ELOVL6: variants seen among roughly 807,000 people sequenced by gnomAD.
ELOVL6 encodes ELOVL fatty acid elongase 6.
A neutral mutation model predicts 31.7 loss-of-function variants in ELOVL6; 8 were observed. The ratio of observed to expected loss-of-function variants is 0.25; its 90% CI spans 0.15 to 0.45. The LOEUF (loss-of-function observed/expected upper bound fraction) is 0.45, where lower values mean the gene tolerates loss of function less well. Among genes scored for constraint, ELOVL6 ranks in the 20% least tolerant of loss-of-function variants. The probability of loss-of-function intolerance (pLI) is 1.00; values close to 1 mark genes in which losing one functional copy is unlikely to be tolerated. For synonymous variants in ELOVL6, 101 were observed against 117.7 expected (o/e 0.86, Z 0.92); for missense variants, 126 against 326.4 (o/e 0.39, Z 4.73).
At chr4:110,136,312 C>T (rs1258594922) in intron 1 of ELOVL6, among the ~76,000 whole-genome samples, 1 of 152,188 alleles carries the variant, frequency 6.6e-6, no homozygotes, top group Non-Finnish European at 1.5e-5. Context: ...TGTTTAAAGG[C>T]TGTGCTGATA....
At chr4:110,179,669 T>G (rs1328871973) in intron 1 of ELOVL6, among the ~76,000 whole-genome samples, 1 of 152,206 alleles carries the variant, frequency 6.6e-6, no homozygotes, top group Non-Finnish European at 1.5e-5. Flanking sequence ...AAAACTTAAT[T>G]TATATAATGC....
rs1029796296 is a variant in ELOVL6, at chr4:110,097,479, T to A, written c.221+8018A>T. 2.0e-5 allele frequency among the ~76,000 whole-genome samples: 3 copies of A among 152,316 alleles called. No homozygotes were observed. In the East Asian group the frequency reaches 5.8e-4, roughly 29 times the overall value. ...TTTTTCCTGTGGCAATGGGCTTTTTTAACTTTACTATTTTATTAAGATTTT... is the reference window on the plus strand; with the variant it reads ...TTTTTCCTGTGGCAATGGGCTTTTTAAACTTTACTATTTTATTAAGATTTT... On this transcript the variant is annotated intron_variant, in intron 2 of 3. Transcript: ENST00000302274.
chr4:110,176,302 A>G (rs563558787), intron 1 of ELOVL6, among the ~76,000 whole-genome samples: 1 of 152,202 alleles, frequency 6.6e-6, no homozygotes, highest in African/African-American at 2.4e-5. Flanking sequence ...AGCTGGGACT[A>G]CAGGCACATA....
In ELOVL6 at chr4:110,125,393, C is replaced by T. The variant is rs191125724; in HGVS notation, c.90-19765G>A. 9.9e-3 allele frequency among the ~76,000 whole-genome samples: 1,513 copies of T among 152,064 alleles called. 26 individuals carry two copies. Among genetic ancestry groups the T allele is most frequent in the African/African-American group, 0.035 (1,437 of 41,494 alleles). On this transcript the variant is annotated intron_variant, in intron 1 of 3. Coordinates refer to ENST00000302274, the MANE Select transcript of ELOVL6 (RefSeq NM_024090.3). ...TCCCTACGTGTTTCCAGAGTATCTT[C>T]GTATCTTTATAGAACTCAGTGGCTC...
chr4:110,139,453 A>AT (rs150419212), intron 1 of ELOVL6, among the ~76,000 whole-genome samples: 2,262 of 152,156 alleles, frequency 0.015, 32 homozygotes, highest in Non-Finnish European at 0.026. Flanking sequence ...CCTGTTAAAG[A>AT]TTTTTTCTTT....
At chr4:110,082,751 AT>A (rs1377190028) in intron 2 of ELOVL6, among the ~76,000 whole-genome samples, 5 of 152,208 alleles carry the variant, frequency 3.3e-5, no homozygotes, top group South Asian at 4.1e-4. Context: ...TAATAAAAAA[AT>A]AAATAAAAAA....
At chr4:110,100,615 C>G (rs1305917528) in intron 2 of ELOVL6, among the ~76,000 whole-genome samples, 1 of 152,176 alleles carries the variant, frequency 6.6e-6, no homozygotes, top group Non-Finnish European at 1.5e-5. Context: ...TAAGAGCTAA[C>G]AGGCAACCTT....
intron 1 of ELOVL6, among the ~76,000 whole-genome samples, chr4:110,191,385 T>C (rs1450725114): frequency 1.3e-5 from 2 of 152,120 alleles, no homozygotes; most frequent in Non-Finnish European, 1.5e-5. Context: ...ACAGGTAACT[T>C]TCCCTAAACC....
intron 2 of ELOVL6, among the ~76,000 whole-genome samples, chr4:110,085,816 T>A (rs1392615152): frequency 6.6e-6 from 1 of 152,126 alleles, no homozygotes; most frequent in Non-Finnish European, 1.5e-5. Flanking sequence ...CAGTTTCAAG[T>A]GAATTCTCCC....
chr4:110,082,049 G>C lies in ELOVL6; in HGVS notation c.222-22295C>G, dbSNP rs374296194. On this transcript the variant is annotated intron_variant, in intron 2 of 3. Transcript: ENST00000302274. Reference sequence around the variant, plus strand: ...CAAATCAAAACCACAATGAGATACCGTCTCACACCAGTTAGAATGGCAATC... The same window carrying C: ...CAAATCAAAACCACAATGAGATACCCTCTCACACCAGTTAGAATGGCAATC... 6.7e-5 allele frequency among the ~76,000 whole-genome samples: 9 copies of C among 133,472 alleles called. 1 individual carries two copies. Among genetic ancestry groups the C allele is most frequent in the African/African-American group, 2.5e-4 (9 of 35,314 alleles). The allele number at this position is 133,472 out of a possible 152,430, so 87.6% of individuals were successfully genotyped here.
chr4:110,080,218 G>A (rs112325252), intron 2 of ELOVL6, among the ~76,000 whole-genome samples: 12,635 of 152,198 alleles, frequency 0.083, 679 homozygotes, highest in South Asian at 0.14. Context: ...AGAAAGAGAG[G>A]GAATCCTTCC....
rs138620422 is a variant in ELOVL6 at position 110,178,752 on chromosome 4, C to G, written c.89+19495G>C. Among the ~76,000 whole-genome samples the G allele has an allele frequency of 5.2e-3, 795 of 151,810 alleles. 6 individuals are homozygous for G. The highest frequency in any genetic ancestry group is 0.018 in the African/African-American group (729 of 41,406). On this transcript the variant is annotated intron_variant, in intron 1 of 3. Coordinates refer to ENST00000302274, the MANE Select transcript of ELOVL6 (RefSeq NM_024090.3). Reference sequence around the variant, plus strand: ...GCCTGTAGTCTCAGCTACTTGGGAGCCTGAGGCTGGAGAATCACTTGAGCC... The same window carrying G: ...GCCTGTAGTCTCAGCTACTTGGGAGGCTGAGGCTGGAGAATCACTTGAGCC...
intron 2 of ELOVL6, among the ~76,000 whole-genome samples, chr4:110,071,342 A>G (rs1194473536): frequency 2.0e-5 from 3 of 152,230 alleles, no homozygotes; most frequent in Non-Finnish European, 4.4e-5. Context: ...AATGTAATGA[A>G]GTCATTTCAC....
rs926385626 is a variant in ELOVL6 at position 110,050,468 on chromosome 4, T to C, written c.*870A>G. 6.6e-6 allele frequency: 1 copy of C among 152,246 alleles called. No homozygotes were observed. The highest frequency in any genetic ancestry group is 1.5e-5 in the Non-Finnish European group (1 of 68,038). 9.4% of individuals were successfully genotyped at this position (152,246 alleles called of 1,614,324 possible). Reference sequence around the variant, plus strand: ...TTTTCACATTGTTTGGTTGAGTGTTTATCTTTTTCAATTCTGTATTTACTC... The same window carrying C: ...TTTTCACATTGTTTGGTTGAGTGTTCATCTTTTTCAATTCTGTATTTACTC... On this transcript the variant is annotated 3_prime_UTR_variant, in exon 4 of 4. Transcript: ENST00000302274.
chr4:110,134,730 T>G (rs986552402), intron 1 of ELOVL6, among the ~76,000 whole-genome samples: 5 of 151,956 alleles, frequency 3.3e-5, no homozygotes, highest in African/African-American at 1.2e-4. Flanking sequence ...GGAGTTGAGG[T>G]AGGAGGATCA....
intron 2 of ELOVL6, among the ~76,000 whole-genome samples, chr4:110,069,973 C>T (rs868517616): frequency 6.6e-6 from 1 of 152,206 alleles, no homozygotes; most frequent in African/African-American, 2.4e-5. Flanking sequence ...GATGACACTG[C>T]TTAGGCAGCT....
intron 1 of ELOVL6, 69 bp downstream of exon 1, chr4:110,198,178 C>T (rs1759876258): frequency 2.1e-6 from 2 of 952,994 alleles, no homozygotes. Context: ...CAGGGAATAC[C>T]GACATTAAGG....
At chr4:110,142,759 C>T (rs72900524) in intron 1 of ELOVL6, among the ~76,000 whole-genome samples, 4,056 of 152,222 alleles carry the variant, frequency 0.027, 176 homozygotes, top group African/African-American at 0.092. Flanking sequence ...ACTGAGTATC[C>T]TTTGGCTGGG....
chr4:110,197,990 T>C, intron 1 of ELOVL6: 2 of 570,688 alleles, frequency 3.5e-6, no homozygotes, highest in Non-Finnish European at 6.3e-6. Flanking sequence ...CACACACATA[T>C]GTTCTGTGTT....
Sources: allele counts gnomAD v4.1 joint callset (sites outside exome capture counted in the v4.1 genomes callset), GRCh38; gene constraint gnomAD v4.1.1; transcripts MANE v1.5; gene names NCBI Gene and HGNC (gene_info 2026-07-23, HGNC 2026-07-21).